ANGPT1: variants seen among roughly 807,000 people sequenced by gnomAD.
ANGPT1 encodes the protein angiopoietin-1.
In ANGPT1, 17 loss-of-function variants were observed where a neutral mutation model predicts 62.2. The ratio of observed to expected loss-of-function variants is 0.27; its 90% confidence interval spans 0.19 to 0.41. The LOEUF (loss-of-function observed/expected upper bound fraction) is 0.41. ANGPT1 is among the 10% of genes least tolerant of loss of function. The pLI is 1.00. For synonymous variants in ANGPT1, 199 were observed against 198.9 expected, an observed-to-expected ratio of 1.00 and a Z score of 0.00; for missense variants, 478 against 594.9, an observed-to-expected ratio of 0.80 and a Z score of 2.04.
At chr8:107,320,323 G>C (rs1218022102) in intron 4 of ANGPT1, among the ~76,000 whole-genome samples, 1 of 152,114 alleles carries the variant, frequency 6.6e-6, no homozygotes. Context: ...GTTAAATTAT[G>C]ATAAGTACGC....
intron 3 of ANGPT1, among the ~76,000 whole-genome samples, chr8:107,334,150 C>A (rs72672534): frequency 0.014 from 2,159 of 152,066 alleles, 23 homozygotes; most frequent in Middle Eastern, 0.021. Flanking sequence ...CTTTTCAGGC[C>A]TCCCAGTTTA....
chr8:107,341,118 C>A (rs1321266770), intron 2 of ANGPT1, among the ~76,000 whole-genome samples: 1 of 152,088 alleles, frequency 6.6e-6, no homozygotes, highest in Non-Finnish European at 1.5e-5. Context: ...TAACCCTAAC[C>A]AAGTTAAAGA....
At chr8:107,311,299 A>G (rs1814856871) in intron 4 of ANGPT1, among the ~76,000 whole-genome samples, 1 of 152,106 alleles carries the variant, frequency 6.6e-6, no homozygotes, top group Admixed American at 6.5e-5. Flanking sequence ...ATTATGATGA[A>G]AATTAATTCA....
chr8:107,301,035 T>A (rs554527694), intron 5 of ANGPT1, among the ~76,000 whole-genome samples: 1 of 151,880 alleles, frequency 6.6e-6, no homozygotes, highest in Non-Finnish European at 1.5e-5. Flanking sequence ...TTGCATCTCA[T>A]AATGTTTCAA....
rs545753873 is a variant in ANGPT1, at chr8:107,256,828, T to C, written c.1337-4813A>G. 1.2e-3 allele frequency among the ~76,000 whole-genome samples: 179 copies of C among 152,218 alleles called. 2 individuals carry two copies. Among genetic ancestry groups the C allele is most frequent in the Middle Eastern group, 3.4e-3 (1 of 294 alleles). ...TGATAAAATGTCTCAAATGTTTTTT[T>C]GTTTTGTTTTGTTCTGTTTTTTTTT... On this transcript the variant is annotated intron_variant, in intron 8 of 8. Transcript: ENST00000517746.
At chr8:107,449,843 G>T (rs544724995) in intron 1 of ANGPT1, among the ~76,000 whole-genome samples, 1 of 152,120 alleles carries the variant, frequency 6.6e-6, no homozygotes, top group South Asian at 2.1e-4. Flanking sequence ...TATTCGTCCT[G>T]TATGATGAAT....
At chr8:107,295,851 T>G (rs1468140194) in intron 5 of ANGPT1, among the ~76,000 whole-genome samples, 1 of 152,120 alleles carries the variant, frequency 6.6e-6, no homozygotes, top group African/African-American at 2.4e-5. Context: ...ATGACATGCT[T>G]GTTAAGGACC....
chr8:107,468,967 C>G (rs1812276283), intron 1 of ANGPT1, among the ~76,000 whole-genome samples: 1 of 151,952 alleles, frequency 6.6e-6, no homozygotes, highest in South Asian at 2.1e-4. Context: ...ATTGGGAGAA[C>G]CTAGACAAAG....
At chr8:107,324,000 C>T (rs1040557651) in intron 3 of ANGPT1, among the ~76,000 whole-genome samples, 2 of 151,700 alleles carry the variant, frequency 1.3e-5, no homozygotes, top group East Asian at 2.0e-4. Flanking sequence ...AGGATGGTCT[C>T]GATCTCCTGA....
chr8:107,290,523 T>C (rs936952483), intron 6 of ANGPT1, among the ~76,000 whole-genome samples: 2 of 152,096 alleles, frequency 1.3e-5, no homozygotes, highest in African/African-American at 4.8e-5. Flanking sequence ...CCATTCCTGG[T>C]GGAGTCATGT....
intron 1 of ANGPT1, among the ~76,000 whole-genome samples, chr8:107,459,196 C>T (rs1812000596): frequency 6.6e-6 from 1 of 152,248 alleles, no homozygotes. Context: ...CTCCGCAACT[C>T]CATGGAGCTT....
intron 1 of ANGPT1, among the ~76,000 whole-genome samples, chr8:107,465,119 C>G (rs1323450082): frequency 6.6e-6 from 1 of 152,030 alleles, no homozygotes; most frequent in African/African-American, 2.4e-5. Flanking sequence ...AAGATTCAGA[C>G]AGGCTCAGTG....
chr8:107,284,130 G>A (rs929763065), intron 7 of ANGPT1: 9 of 152,094 alleles, frequency 5.9e-5, no homozygotes, highest in African/African-American at 2.2e-4. Context: ...CATGTATTAT[G>A]TATATTGATG....
chr8:107,315,947 G>A lies in ANGPT1; in HGVS notation c.808+5949C>T, dbSNP rs539211607. Among the ~76,000 whole-genome samples, 4 of 152,122 alleles carry A rather than the reference G, an allele frequency of 2.6e-5. No individual in the cohort carries two copies. The South Asian group carries it at 6.2e-4, about 24-fold the overall frequency. On this transcript the variant is annotated intron_variant, in intron 4 of 8. Transcript: ENST00000517746. ...AATCATTGTTCTCCTTCTAGAATCCGATTTATCTGCCTGCCAGACTCTGTC... is the reference window on the plus strand; with the variant it reads ...AATCATTGTTCTCCTTCTAGAATCCAATTTATCTGCCTGCCAGACTCTGTC...
At chr8:107,293,894 A>C (rs1181976715) in intron 6 of ANGPT1, 42 bp downstream of exon 6, 2 of 1,523,098 alleles carry the variant, frequency 1.3e-6, no homozygotes, top group African/African-American at 1.4e-5. Flanking sequence ...AGATAACTTC[A>C]AGATAAAACA....
intron 6 of ANGPT1, among the ~76,000 whole-genome samples, chr8:107,286,256 G>A (rs1199614585): frequency 1.3e-5 from 2 of 152,098 alleles, no homozygotes; most frequent in Non-Finnish European, 1.5e-5. Flanking sequence ...AAAATGTTAT[G>A]CAAATAAGTT....
At chr8:107,420,883 T>A (rs1326548804) in intron 1 of ANGPT1, among the ~76,000 whole-genome samples, 2 of 152,134 alleles carry the variant, frequency 1.3e-5, no homozygotes, top group Non-Finnish European at 2.9e-5. Flanking sequence ...CCTACCCTGC[T>A]AATCATCAAA....
chr8:107,460,916 G>A (rs1276100076), intron 1 of ANGPT1, among the ~76,000 whole-genome samples: 2 of 152,034 alleles, frequency 1.3e-5, no homozygotes, highest in East Asian at 3.9e-4. Context: ...TAGATTTGGG[G>A]AGTAATCAAA....
intron 1 of ANGPT1, among the ~76,000 whole-genome samples, chr8:107,451,913 A>G (rs1811788119): frequency 6.6e-6 from 1 of 151,794 alleles, no homozygotes; most frequent in Non-Finnish European, 1.5e-5. Flanking sequence ...AGGACTATTA[A>G]TGTGTTTTTC....
Sources: gnomAD v4.1 joint callset for allele counts (sites outside exome capture counted in the v4.1 genomes callset) on GRCh38, gnomAD v4.1.1 for gene constraint, MANE v1.5 for transcripts, NCBI Gene and HGNC (gene_info 2026-07-23, HGNC 2026-07-21) for gene names.